The following ARHGAP26 variants were observed in gnomAD, a reference collection of about 807,000 sequenced individuals.
The protein encoded by ARHGAP26 is rho GTPase-activating protein 26.
ARHGAP26 carries 38 observed loss-of-function variants against 104.8 expected under a neutral mutation model. The observed-to-expected ratio is 0.36, with a 90% CI of 0.28 to 0.48. The LOEUF is 0.48. Ranked by LOEUF, ARHGAP26 falls within the 20% of genes least tolerant of loss-of-function variation. The pLI, the probability that ARHGAP26 is intolerant of heterozygous loss-of-function variation, is 0.99. For synonymous variants in ARHGAP26, 341 were observed against 340.0 expected (o/e 1.00, Z -0.03); for missense variants, 704 against 947.9 (o/e 0.74, Z 3.38).
rs549887654 is a variant in ARHGAP26 at position 142,871,259 on chromosome 5, T to A, written c.155-2141T>A. 6.6e-6 allele frequency among the ~76,000 whole-genome samples: 1 copy of A among 152,336 alleles called. No homozygotes were observed. The highest frequency in any genetic ancestry group is 2.1e-4 in the South Asian group (1 of 4,820). Reference sequence around the variant, plus strand: ...GCTAACAGGCCCTGCCCTGGTTCAATGGGTGCCCCTGTGCAGAAGCCTCAC... The same window carrying A: ...GCTAACAGGCCCTGCCCTGGTTCAAAGGGTGCCCCTGTGCAGAAGCCTCAC... On this transcript the variant is annotated intron_variant, in intron 1 of 22. Coordinates refer to ENST00000645722, the MANE Select transcript of ARHGAP26 (RefSeq NM_001135608.3). This position sits in a 1 kb window ranked among gnomAD's most constrained non-coding sequence, Gnocchi z 4.1.
chr5:143,031,907 C>T (rs1329921210), intron 12 of ARHGAP26, among the ~76,000 whole-genome samples: 1 of 152,060 alleles, frequency 6.6e-6, no homozygotes, highest in Non-Finnish European at 1.5e-5. Context: ...AGTAAGACAG[C>T]TAGTCTCTGG....
At chr5:143,073,656 A>G (rs1788582643) in intron 17 of ARHGAP26, among the ~76,000 whole-genome samples, 1 of 152,210 alleles carries the variant, frequency 6.6e-6, no homozygotes, top group Non-Finnish European at 1.5e-5. Context: ...CTTCATCTAC[A>G]AAATGAAAGG....
At chr5:142,808,238 A>G (rs1314221947) in intron 1 of ARHGAP26, among the ~76,000 whole-genome samples, 14 of 2,428 alleles carry the variant, frequency 5.8e-3, no homozygotes, top group East Asian at 0.1. Flanking sequence ...TTGTCTCGGA[A>G]AAAAAAAAAA....
At chr5:143,169,406 G>T (rs1562544410) in intron 20 of ARHGAP26, 1 of 152,250 alleles carries the variant, frequency 6.6e-6, no homozygotes, top group African/African-American at 2.4e-5. Flanking sequence ...CCCAGCTCTT[G>T]CCAGCTCTCA....
At chr5:142,964,709 C>T (rs1166590006) in intron 11 of ARHGAP26, among the ~76,000 whole-genome samples, 5 of 152,224 alleles carry the variant, frequency 3.3e-5, no homozygotes, top group South Asian at 2.1e-4. Context: ...TTTCTCAGGT[C>T]GTGACACACA....
Position 142,901,959 on chromosome 5 carries a change from T to C in ARHGAP26, c.622T>C (p.Phe208Leu), listed in dbSNP as rs747727445. 1 of 1,614,052 alleles carries C rather than the reference T, an allele frequency of 6.2e-7. No homozygotes were observed. Among genetic ancestry groups the C allele is most frequent in the Admixed American group, 1.7e-5 (1 of 60,020 alleles). ...GCTGCTGGCCTTCCTGCAAGGACTCTTCACTTTCTATCACCATGGTTACGA... is the reference window on the plus strand; with the variant it reads ...GCTGCTGGCCTTCCTGCAAGGACTCCTCACTTTCTATCACCATGGTTACGA... ...EPLLAFLQGL[F>L]TFYHHGYELA... Residue 208 changes from phenylalanine (F) to leucine (L), a missense_variant, in exon 7 of 23, where the codon TTC (phenylalanine) becomes CTC (leucine). Transcript: ENST00000645722.
chr5:142,911,182 C>T (rs1761781690), intron 9 of ARHGAP26, among the ~76,000 whole-genome samples: 1 of 152,142 alleles, frequency 6.6e-6, no homozygotes, highest in Admixed American at 6.5e-5. Flanking sequence ...TCTGGAGCAG[C>T]CCAAAACCGA....
Position 143,222,341 on chromosome 5 carries a change from C to G in ARHGAP26, c.2192-17C>G. ...GTAATGCCATCTCTTCTCGCTTTCT[C>G]TCCCCTTCCTGTACAGTTCACCCAT... On this transcript the variant is annotated splice_polypyrimidine_tract_variant and intron_variant, in intron 22 of 22. Coordinates refer to ENST00000645722, the MANE Select transcript of ARHGAP26 (RefSeq NM_001135608.3). 1.3e-6 allele frequency: 2 copies of G among 1,539,142 alleles called. No homozygotes were observed. Among genetic ancestry groups the G allele is most frequent in the East Asian group, 4.6e-5 (2 of 43,932 alleles).
intron 1 of ARHGAP26, among the ~76,000 whole-genome samples, chr5:142,775,962 G>A (rs1409619685): frequency 6.6e-6 from 1 of 151,928 alleles, no homozygotes; most frequent in South Asian, 2.1e-4. Flanking sequence ...ACTTGGAATT[G>A]ACATACCAAT....
At chr5:142,870,293 A>T (rs1476611631) in intron 1 of ARHGAP26, among the ~76,000 whole-genome samples, 1 of 152,244 alleles carries the variant, frequency 6.6e-6, no homozygotes, top group Non-Finnish European at 1.5e-5. Context: ...GGGCTGCTCC[A>T]TATCCAAGGT....
chr5:143,194,573 G>GGAAA (rs1806482993), intron 20 of ARHGAP26, among the ~76,000 whole-genome samples: 2 of 150,014 alleles, frequency 1.3e-5, no homozygotes, highest in South Asian at 4.2e-4. Flanking sequence ...CCTCAGATTT[G>GGAAA]GAAAAAAAAA....
intron 20 of ARHGAP26, among the ~76,000 whole-genome samples, chr5:143,199,455 T>C (rs1290969392): frequency 6.6e-6 from 1 of 152,240 alleles, no homozygotes; most frequent in Non-Finnish European, 1.5e-5. Flanking sequence ...GATTTCCCTT[T>C]ACCTTAAGTC....
rs1335370591 is a variant in ARHGAP26 at position 143,012,631 on chromosome 5, G to A, written c.1108-1449G>A. 4.0e-5 allele frequency among the ~76,000 whole-genome samples: 5 copies of A among 125,322 alleles called. No individual in the cohort carries two copies. In the East Asian group the frequency reaches 1.1e-3, roughly 27 times the overall value. The allele number at this position is 125,322 out of a possible 152,430, so 82.2% of individuals were successfully genotyped here. ...TACCTACAGAACCTTAATGACCAAA[G>A]AAGGGCTTGGGTTCTATGATTTTTT... On this transcript the variant is annotated intron_variant, in intron 11 of 22. Coordinates refer to ENST00000645722, the MANE Select transcript of ARHGAP26 (RefSeq NM_001135608.3).
At chr5:142,952,321 G>A (rs1303056392) in intron 11 of ARHGAP26, among the ~76,000 whole-genome samples, 1 of 152,072 alleles carries the variant, frequency 6.6e-6, no homozygotes, top group Non-Finnish European at 1.5e-5. Context: ...GCCAACATTC[G>A]GCAGTGCAGT....
intron 17 of ARHGAP26, among the ~76,000 whole-genome samples, chr5:143,060,775 C>G (rs545478064): frequency 6.6e-6 from 1 of 152,034 alleles, no homozygotes; most frequent in South Asian, 2.1e-4. Context: ...ATCTGCATTT[C>G]TGATTTATTT....
intron 1 of ARHGAP26, among the ~76,000 whole-genome samples, chr5:142,790,083 T>G (rs1198356546): frequency 2.0e-5 from 3 of 152,238 alleles, no homozygotes; most frequent in Non-Finnish European, 4.4e-5. Context: ...AGGGGTTAGC[T>G]TTGAACAAGA....
intron 1 of ARHGAP26, among the ~76,000 whole-genome samples, chr5:142,796,611 A>G (rs886199835): frequency 3.3e-5 from 5 of 152,242 alleles, no homozygotes; most frequent in Admixed American, 1.3e-4. Flanking sequence ...GTTGCTTTCA[A>G]GAACGTTTCT....
chr5:142,955,384 C>G (rs1311537542), intron 11 of ARHGAP26, among the ~76,000 whole-genome samples: 1 of 152,002 alleles, frequency 6.6e-6, no homozygotes, highest in Non-Finnish European at 1.5e-5. Flanking sequence ...GTTTGAGAAA[C>G]GAGGAAATAT....
intron 11 of ARHGAP26, among the ~76,000 whole-genome samples, chr5:142,978,266 G>A (rs1773418857): frequency 6.6e-6 from 1 of 152,182 alleles, no homozygotes; most frequent in Non-Finnish European, 1.5e-5. Flanking sequence ...CAATAGCAGT[G>A]TTGGCCTAAA....
Sources: gnomAD v4.1 joint callset for allele counts (sites outside exome capture counted in the v4.1 genomes callset) on GRCh38, gnomAD v4.1.1 for gene constraint, Gnocchi (gnomAD v3.1) non-coding constraint, MANE v1.5 for transcripts, NCBI Gene and HGNC (gene_info 2026-07-23, HGNC 2026-07-21) for gene names.